The following PRDM15 variants were observed in gnomAD, a reference collection of about 807,000 sequenced individuals.
PRDM15 encodes PR domain zinc finger protein 15.
PRDM15 carries 64 observed loss-of-function variants against 128.6 expected under a neutral mutation model. That is an observed-to-expected ratio of 0.50 (90% CI 0.41 to 0.61). The LOEUF (loss-of-function observed/expected upper bound fraction) is 0.61, where lower values mean the gene tolerates loss of function less well. Among genes scored for constraint, PRDM15 ranks in the 20% least tolerant of loss-of-function variants. The pLI, the probability that PRDM15 is intolerant of heterozygous loss-of-function variation, is 0.00. For synonymous variants in PRDM15, 615 were observed against 621.8 expected, an observed-to-expected ratio of 0.99 and a Z score of 0.16; for missense variants, 1,242 against 1,569.1, an observed-to-expected ratio of 0.79 and a Z score of 3.52.
intron 1 of PRDM15, among the ~76,000 whole-genome samples, chr21:41,876,784 C>A: frequency 6.6e-6 from 1 of 152,220 alleles, no homozygotes; most frequent in East Asian, 1.9e-4. Context: ...TCCAACCAAA[C>A]CAGCAGCAGG....
At chr21:41,816,996 T>TACACAGTC (rs796914757) in intron 18 of PRDM15, among the ~76,000 whole-genome samples, 56 of 151,850 alleles carry the variant, frequency 3.7e-4, no homozygotes, top group African/African-American at 1.2e-3. Flanking sequence ...TCAAAACTAA[T>TACACAGTC]ACACAGTCAC....
Position 41,848,115 on chromosome 21 carries a change from GT to G in PRDM15, c.539-925del, listed in dbSNP as rs1342024557. ...TAATCACGATACAGCCTGCATTGAAGTTCATCACCCACGGCAAACTCCAGGG... is the reference window on the plus strand; with the variant it reads ...TAATCACGATACAGCCTGCATTGAAGTCATCACCCACGGCAAACTCCAGGG... On this transcript the variant is annotated intron_variant, in intron 5 of 23. Transcript: ENST00000398548. Among the ~76,000 whole-genome samples the G allele has an allele frequency of 2.0e-5, 3 of 152,324 alleles. No individual in the cohort carries two copies. The East Asian group carries it at 5.8e-4, about 29-fold the overall frequency.
chr21:41,843,547 T>C (rs56387318), intron 6 of PRDM15, among the ~76,000 whole-genome samples: 1,696 of 152,298 alleles, frequency 0.011, 35 homozygotes, highest in African/African-American at 0.038. Flanking sequence ...GAGCCCCACC[T>C]TTCCCAAAAC....
Position 41,832,696 on chromosome 21 carries a change from C to A in PRDM15, c.1366+2741G>T, listed in dbSNP as rs947934891. On this transcript the variant is annotated intron_variant, in intron 11 of 23. Coordinates refer to ENST00000398548, the MANE Select transcript of PRDM15 (RefSeq NM_001040424.3). The surrounding 1 kb of genome is among the most constrained non-coding windows in gnomAD (Gnocchi z 4.2). ...CTTCCCAGGCAGGTACCAACCAATA[C>A]AAGTGAGCCCCCCTCCCAGGCAGGT... Among the ~76,000 whole-genome samples the A allele has an allele frequency of 6.6e-6, 1 of 152,080 alleles. No individual in the cohort carries two copies. Among genetic ancestry groups the A allele is most frequent in the African/African-American group, 2.4e-5 (1 of 41,392 alleles).
chr21:41,861,578 G>A (rs185333589), intron 1 of PRDM15: 4 of 1,611,334 alleles, frequency 2.5e-6, no homozygotes, highest in Non-Finnish European at 3.4e-6. Context: ...TGTCCTTCCT[G>A]CAACCTGCTT....
At chr21:41,838,201 G>T in intron 7 of PRDM15, 138 bp from the exon 8 acceptor site, 1 of 699,390 alleles carries the variant, frequency 1.4e-6, no homozygotes, top group Non-Finnish European at 2.2e-6. Flanking sequence ...TTACAGAGGG[G>T]AAAAAAAAAA....
At chr21:41,833,851 C>T (rs1388994707) in intron 11 of PRDM15, among the ~76,000 whole-genome samples, 23 of 152,178 alleles carry the variant, frequency 1.5e-4, no homozygotes, top group Non-Finnish European at 5.9e-5. Context: ...AATGCCTCTT[C>T]CTCAACCTTG....
At chr21:41,848,584 C>T (rs2839394) in intron 5 of PRDM15, among the ~76,000 whole-genome samples, 98,733 of 152,026 alleles carry the variant, frequency 0.65, 32,495 homozygotes, top group Admixed American at 0.72. Context: ...CAAACATACA[C>T]GGGTTCCAAA....
intron 1 of PRDM15, among the ~76,000 whole-genome samples, chr21:41,875,189 T>G (rs950556088): frequency 6.6e-6 from 1 of 152,228 alleles, no homozygotes; most frequent in Non-Finnish European, 1.5e-5. Context: ...CCTAAGCCCC[T>G]TTGCTGTCTG....
intron 21 of PRDM15, among the ~76,000 whole-genome samples, chr21:41,808,171 C>A (rs972681402): frequency 6.6e-6 from 1 of 152,230 alleles, no homozygotes; most frequent in Non-Finnish European, 1.5e-5. Context: ...GCCTTGCTCA[C>A]GGGCTGCTGG....
At chr21:41,840,877 C>T (rs961097330) in intron 6 of PRDM15, among the ~76,000 whole-genome samples, 1 of 151,016 alleles carries the variant, frequency 6.6e-6, no homozygotes, top group African/African-American at 2.4e-5. Context: ...AAAAAGGAGG[C>T]CCAAAATAAA....
Position 41,839,661 on chromosome 21 carries a change from T to C in PRDM15, c.833A>G (p.Glu278Gly), listed in dbSNP as rs1223024689. 1 of 1,614,242 alleles carries C rather than the reference T, an allele frequency of 6.2e-7. No individual in the cohort carries two copies. The highest frequency in any genetic ancestry group is 8.5e-7 in the Non-Finnish European group (1 of 1,180,040). ...RGRKPKVSKA[E>G]QPLVIVEDKE... Reference sequence around the variant, plus strand: ...GTCTTCCACGATGACTAGAGGCTGCTCAGCTTTGGACACTTTGGGTTTTCT... The same window carrying C: ...GTCTTCCACGATGACTAGAGGCTGCCCAGCTTTGGACACTTTGGGTTTTCT... The change falls in exon 7 of 24, where the codon GAG (glutamate) becomes GGG (glycine). Residue 278 changes from glutamate (E) to glycine (G), a missense_variant. Transcript: ENST00000398548.
intron 1 of PRDM15, chr21:41,867,201 G>A: frequency 1.2e-6 from 1 of 828,768 alleles, no homozygotes; most frequent in African/African-American, 1.7e-5. Context: ...GAGTGACCCT[G>A]CAGAAGGCAG....
chr21:41,827,467 A>G (rs565794150), intron 12 of PRDM15, among the ~76,000 whole-genome samples: 17 of 152,318 alleles, frequency 1.1e-4, no homozygotes, highest in African/African-American at 3.6e-4. Flanking sequence ...CTCCTGCCTC[A>G]GCCTCCTGAG....
chr21:41,813,031 AGCTCAC>A (rs1289008819), intron 19 of PRDM15: 2 of 152,410 alleles, frequency 1.3e-5, no homozygotes, highest in Non-Finnish European at 2.9e-5. Context: ...TGCTCACATC[AGCTCAC>A]GTCTGGGGGG....
rs185104228 is a variant in PRDM15, at chr21:41,877,116, C to T, written c.-10+2154G>A. On this transcript the variant is annotated intron_variant, in intron 1 of 23. Coordinates refer to ENST00000398548, the MANE Select transcript of PRDM15 (RefSeq NM_001040424.3). ...TCTGCCTGGTGGGGGCAGGCACCAC[C>T]GCACCCACCTCCACCAGAGGCTCCC... Among the ~76,000 whole-genome samples, 8 of 152,216 alleles carry T rather than the reference C, an allele frequency of 5.3e-5. No homozygotes were observed. The East Asian group carries it at 1.4e-3, about 26-fold the overall frequency.
Position 41,801,334 on chromosome 21 carries a change from ACGT to A in PRDM15, c.3329_3331del (p.Asp1110del). The A allele has an allele frequency of 6.3e-7, 1 of 1,589,734 alleles. No individual in the cohort carries two copies. The highest frequency in any genetic ancestry group is 1.1e-5 in the South Asian group (1 of 87,890). ...TGCCTGCGGCTGCGAGGGTGGCAAG[ACGT>A]CAGTCTGGGGCACTGCCCGCCACGT... On this transcript the variant is annotated inframe_deletion, in exon 24 of 24. Coordinates refer to ENST00000398548, the MANE Select transcript of PRDM15 (RefSeq NM_001040424.3).
At position 41,820,890 on chromosome 21, in the gene PRDM15, C is replaced by T. The variant is rs538434761; in HGVS notation, c.2060+177G>A. 1.0e-3 allele frequency among the ~76,000 whole-genome samples: 152 copies of T among 152,332 alleles called. 5 individuals are homozygous for T. Among genetic ancestry groups the T allele is most frequent in the Admixed American group, 2.6e-3 (40 of 15,300 alleles). Reference sequence around the variant, plus strand: ...CGGAAGCACAGGATAAACCCCAGCCCTGCTGCCCCTAGCCCAGCTGCCCCC... The same window carrying T: ...CGGAAGCACAGGATAAACCCCAGCCTTGCTGCCCCTAGCCCAGCTGCCCCC... On this transcript the variant is annotated intron_variant, in intron 16 of 23. Coordinates refer to ENST00000398548, the MANE Select transcript of PRDM15 (RefSeq NM_001040424.3).
intron 14 of PRDM15, among the ~76,000 whole-genome samples, chr21:41,822,928 G>C (rs1255009538): frequency 6.6e-6 from 1 of 152,072 alleles, no homozygotes; most frequent in Non-Finnish European, 1.5e-5. Context: ...CCAGCTACTT[G>C]GGAGGCTGAG....
Sources: allele counts gnomAD v4.1 joint callset (sites outside exome capture counted in the v4.1 genomes callset), GRCh38; gene constraint gnomAD v4.1.1; non-coding constraint Gnocchi (gnomAD v3.1); transcripts MANE v1.5; gene names NCBI Gene and HGNC (gene_info 2026-07-23, HGNC 2026-07-21).